The following CALCR variants were observed in gnomAD, a reference collection of about 807,000 sequenced individuals.
CALCR encodes the protein calcitonin receptor.
Under a neutral mutation model 59.5 loss-of-function variants are expected in CALCR, and 47 were observed. That is an observed-to-expected ratio of 0.79 (90% CI 0.63 to 1.01). CALCR has a LOEUF of 1.01. Among genes scored for constraint, CALCR ranks in the 50% least tolerant of loss-of-function variants. The pLI, the probability that CALCR is intolerant of heterozygous loss-of-function variation, is 0.00. For synonymous variants in CALCR, 213 were observed against 211.3 expected (o/e 1.01, Z -0.07); for missense variants, 566 against 597.1 (o/e 0.95, Z 0.54).
intron 2 of CALCR, among the ~76,000 whole-genome samples, chr7:93,551,624 G>A (rs1029471244): frequency 1.3e-5 from 2 of 152,148 alleles, no homozygotes; most frequent in African/African-American, 2.4e-5. Flanking sequence ...GGAGCTTCTG[G>A]TCTACCATCC....
rs1254674636 is a variant in CALCR at position 93,424,861 on chromosome 7, T to C, written c.*1495A>G. ...ACTTAAACTACTTTAGTATCCCAAATTCATTTTCTCTGTAGAAATATAATT... is the reference window on the plus strand; with the variant it reads ...ACTTAAACTACTTTAGTATCCCAAACTCATTTTCTCTGTAGAAATATAATT... On this transcript the variant is annotated 3_prime_UTR_variant, in exon 14 of 14. Coordinates refer to ENST00000426151, the MANE Select transcript of CALCR (RefSeq NM_001742.4). 6.6e-6 allele frequency: 1 copy of C among 152,596 alleles called. No individual in the cohort carries two copies. Among genetic ancestry groups the C allele is most frequent in the Admixed American group, 6.5e-5 (1 of 15,272 alleles). The allele number at this position is 152,596 out of a possible 1,614,324, so 9.5% of individuals were successfully genotyped here. A position where few individuals can be genotyped will look rare whatever the true frequency, so the allele number is the denominator to read the frequency against.
At position 93,458,269 on chromosome 7, in the gene CALCR, C is replaced by T. The variant is rs113613290; in HGVS notation, c.648+2552G>A. 2.1e-3 allele frequency among the ~76,000 whole-genome samples: 326 copies of T among 152,228 alleles called. 4 individuals carry two copies. Among genetic ancestry groups the T allele is most frequent in the African/African-American group, 6.8e-3 (282 of 41,546 alleles). ...CAAATTAAGCTGCTTTCCCACGCCACGCCACTGTCACACAGGATGCATGCT... is the reference window on the plus strand; with the variant it reads ...CAAATTAAGCTGCTTTCCCACGCCATGCCACTGTCACACAGGATGCATGCT... On this transcript the variant is annotated intron_variant, in intron 8 of 13. Transcript: ENST00000426151.
chr7:93,539,652 C>T (rs1160972383), intron 2 of CALCR, among the ~76,000 whole-genome samples: 1 of 151,672 alleles, frequency 6.6e-6, no homozygotes, highest in Non-Finnish European at 1.5e-5. Flanking sequence ...ATTGTGTGTT[C>T]TTGTGCAAGT....
chr7:93,465,180 T>C (rs1041520483), intron 7 of CALCR, among the ~76,000 whole-genome samples: 2 of 152,028 alleles, frequency 1.3e-5, no homozygotes, highest in Non-Finnish European at 2.9e-5. Flanking sequence ...AGTGATACAA[T>C]GAGAGGCTTA....
chr7:93,554,810 T>G (rs1789553014), intron 2 of CALCR, among the ~76,000 whole-genome samples: 2 of 144,004 alleles, frequency 1.4e-5, no homozygotes, highest in Non-Finnish European at 3.0e-5. Context: ...ACATGTCATT[T>G]TAGAAAGTAC....
At chr7:93,476,601 T>C (rs1424826470) in intron 5 of CALCR, among the ~76,000 whole-genome samples, 2 of 151,862 alleles carry the variant, frequency 1.3e-5, no homozygotes, top group African/African-American at 4.8e-5. Context: ...CTCTGATTTT[T>C]TTATCAAAAC....
At chr7:93,540,478 T>C (rs56803662) in intron 2 of CALCR, among the ~76,000 whole-genome samples, 3 of 152,026 alleles carry the variant, frequency 2.0e-5, no homozygotes, top group African/African-American at 7.2e-5. Context: ...ATTTTGATCT[T>C]TATGTAACTC....
chr7:93,569,542 G>A (rs1482818401), intron 2 of CALCR, among the ~76,000 whole-genome samples: 1 of 151,994 alleles, frequency 6.6e-6, no homozygotes, highest in East Asian at 1.9e-4. Context: ...TTTCCCTGAT[G>A]TCCGGGCTGG....
At chr7:93,567,911 A>G (rs1789903253) in intron 2 of CALCR, among the ~76,000 whole-genome samples, 1 of 152,162 alleles carries the variant, frequency 6.6e-6, no homozygotes, top group Non-Finnish European at 1.5e-5. Flanking sequence ...AACAGTCTGG[A>G]AAATATTTGG....
chr7:93,440,669 C>T (rs1799882820), intron 9 of CALCR, among the ~76,000 whole-genome samples: 2 of 152,000 alleles, frequency 1.3e-5, no homozygotes, highest in Admixed American at 1.3e-4. Context: ...GCAAATCCCT[C>T]TAGTTCTTTT....
rs985216613 is a variant in CALCR at position 93,427,120 on chromosome 7, T to A, written c.1192-531A>T. Among the ~76,000 whole-genome samples the A allele has an allele frequency of 4.6e-5, 7 of 152,334 alleles. No individual in the cohort carries two copies. In the East Asian group the frequency reaches 1.2e-3, roughly 25 times the overall value. On this transcript the variant is annotated intron_variant, in intron 13 of 13. Transcript: ENST00000426151. ...CATCTCTGGTTAATGCCATGACAACTTTTTAAGAATAAGATTTTCTCTTTC... is the reference window on the plus strand; with the variant it reads ...CATCTCTGGTTAATGCCATGACAACATTTTAAGAATAAGATTTTCTCTTTC...
chr7:93,443,840 C>G, intron 8 of CALCR, 83 bp from the exon 9 acceptor site: 1 of 1,161,982 alleles, frequency 8.6e-7, no homozygotes, highest in Non-Finnish European at 1.2e-6. Context: ...GAAAACAAGC[C>G]AAAGTATCTG....
At chr7:93,428,786 CAAAAAAAAAA>C (rs562182322) in intron 13 of CALCR, among the ~76,000 whole-genome samples, 5 of 83,956 alleles carry the variant, frequency 6.0e-5, no homozygotes, top group Non-Finnish European at 1.4e-4. Flanking sequence ...GACTCCGTCT[CAAAAAAAAAA>C]AAAAAAAAAG....
At chr7:93,458,648 T>C (rs1387786147) in intron 8 of CALCR, among the ~76,000 whole-genome samples, 1 of 152,122 alleles carries the variant, frequency 6.6e-6, no homozygotes, top group African/African-American at 2.4e-5. Context: ...TTTTGTGGGG[T>C]TGCCATAGGC....
rs763742124 is a variant in CALCR at position 93,438,252 on chromosome 7, G to T, written c.821C>A (p.Thr274Asn). 6.2e-7 allele frequency: 1 copy of T among 1,613,366 alleles called. No individual in the cohort carries two copies. Among genetic ancestry groups the T allele is most frequent in the Non-Finnish European group, 8.5e-7 (1 of 1,179,340 alleles). ...GGCCCTGGTAATAGCATGGATAGTG[G>T]TTGGCACCAGCGGGAACCCTACAAA... ...LLGWGFPLVP[T>N]TIHAITRAVY... The change falls in exon 10 of 14, where the codon ACC (threonine) becomes AAC (asparagine). Residue 274 changes from threonine (T) to asparagine (N), a missense_variant. By Grantham distance (65) the Thr-to-Asn change is moderately conservative. Transcript: ENST00000426151.
intron 2 of CALCR, among the ~76,000 whole-genome samples, chr7:93,504,590 T>G (rs1178728103): frequency 6.6e-6 from 1 of 152,152 alleles, no homozygotes; most frequent in Non-Finnish European, 1.5e-5. Context: ...ATCCATAAGT[T>G]TTTAAGACCT....
chr7:93,484,031 G>T (rs369285389), intron 3 of CALCR: 1 of 515,732 alleles, frequency 1.9e-6, no homozygotes, highest in South Asian at 1.4e-5. Flanking sequence ...AACAGCAGTA[G>T]TCAGCAGCCC....
At chr7:93,514,653 G>C (rs1157644889) in intron 2 of CALCR, among the ~76,000 whole-genome samples, 1 of 151,966 alleles carries the variant, frequency 6.6e-6, no homozygotes, top group Admixed American at 6.6e-5. Flanking sequence ...AATGCACTCA[G>C]AGTAATTACT....
chr7:93,527,687 G>A (rs186732549), intron 2 of CALCR, among the ~76,000 whole-genome samples: 50 of 152,208 alleles, frequency 3.3e-4, no homozygotes, highest in Middle Eastern at 3.4e-3. Flanking sequence ...TCTAGGGATA[G>A]CCCTGCATAT....
Sources: allele counts gnomAD v4.1 joint callset (sites outside exome capture counted in the v4.1 genomes callset), GRCh38; gene constraint gnomAD v4.1.1; transcripts MANE v1.5; gene names NCBI Gene and HGNC (gene_info 2026-07-23, HGNC 2026-07-21).